Variants in LRMDA observed in about 807,000 individuals in gnomAD.
The protein encoded by LRMDA is leucine-rich melanocyte differentiation-associated protein.
In LRMDA, 18 loss-of-function variants were observed where a neutral mutation model predicts 29.8. The ratio of observed to expected loss-of-function variants is 0.60; its 90% CI spans 0.42 to 0.90. The LOEUF (loss-of-function observed/expected upper bound fraction) is 0.90. Among genes scored for constraint, LRMDA ranks in the 40% least tolerant of loss-of-function variants. The pLI is 0.00. For missense variants in LRMDA, 273 were observed against 273.9 expected (o/e 1.00, Z 0.02); for synonymous variants, 125 against 109.4 (o/e 1.14, Z -0.89).
intron 6 of LRMDA, among the ~76,000 whole-genome samples, chr10:76,376,017 A>G (rs1841512836): frequency 6.6e-6 from 1 of 152,032 alleles, no homozygotes; most frequent in South Asian, 2.1e-4. Context: ...TTTTTAATAG[A>G]CATGAGGGTA....
At chr10:75,640,744 G>T (rs544514594) in intron 2 of LRMDA, among the ~76,000 whole-genome samples, 1 of 152,278 alleles carries the variant, frequency 6.6e-6, no homozygotes, top group South Asian at 2.1e-4. Flanking sequence ...GTCCTCAGCT[G>T]ACTTTCTATG....
chr10:75,900,020 G>T (rs1304771680), intron 2 of LRMDA, among the ~76,000 whole-genome samples: 1 of 152,166 alleles, frequency 6.6e-6, no homozygotes, highest in Non-Finnish European at 1.5e-5. Flanking sequence ...GATTAGAGCT[G>T]GGGCTCTTCC....
At chr10:75,676,576 T>G (rs1841962848) in intron 2 of LRMDA, among the ~76,000 whole-genome samples, 1 of 152,126 alleles carries the variant, frequency 6.6e-6, no homozygotes, top group African/African-American at 2.4e-5. Flanking sequence ...TCTTTTGGGG[T>G]TGCCATGGAA....
Position 76,376,865 on chromosome 10 carries a change from C to CTTTTTTTTTTTTTTTTTTTTTTTTTT in LRMDA, c.601+52393_601+52418dup. 6.3e-4 allele frequency among the ~76,000 whole-genome samples: 30 copies of CTTTTTTTTTTTTTTTTTTTTTTTTTT among 47,374 alleles called. 15 individuals are homozygous for CTTTTTTTTTTTTTTTTTTTTTTTTTT. The highest frequency in any genetic ancestry group is 2.2e-3 in the Admixed American group (8 of 3,630). The allele number at this position is 47,374 out of a possible 152,430, so 31.1% of individuals were successfully genotyped here. On this transcript the variant is annotated intron_variant, in intron 6 of 6. Coordinates refer to ENST00000611255, the MANE Select transcript of LRMDA (RefSeq NM_001305581.2). The stretch of plus-strand genomic sequence containing the variant: ...AAATGTTTGTTGGGCACTTGGAAGT[C>CTTTTTTTTTTTTTTTTTTTTTTTTTT]TTTTTTTTTTTTTTTTTTTTTTTTT...
chr10:76,177,476 A>G (rs190500732), intron 5 of LRMDA, among the ~76,000 whole-genome samples: 69 of 152,330 alleles, frequency 4.5e-4, no homozygotes, highest in Non-Finnish European at 8.4e-4. Flanking sequence ...AGTTTCAGTA[A>G]TGATGACTGC....
intron 2 of LRMDA, among the ~76,000 whole-genome samples, chr10:75,850,333 A>T (rs1222302296): frequency 6.6e-6 from 1 of 152,192 alleles, no homozygotes; most frequent in African/African-American, 2.4e-5. Flanking sequence ...ATTGTAAATG[A>T]TGGAGTCTTT....
chr10:76,282,294 C>T (rs1183762231), intron 5 of LRMDA, among the ~76,000 whole-genome samples: 2 of 152,052 alleles, frequency 1.3e-5, no homozygotes, highest in African/African-American at 2.4e-5. Context: ...ATTAATTGGC[C>T]GTTTCTGTTG....
chr10:76,517,366 A>G (rs559903357), intron 6 of LRMDA, among the ~76,000 whole-genome samples: 20 of 152,288 alleles, frequency 1.3e-4, no homozygotes, highest in African/African-American at 4.8e-4. Context: ...AGTTACCTAT[A>G]AAGAAATGAC....
chr10:76,363,288 G>GAAGGA (rs1841351175), intron 6 of LRMDA, among the ~76,000 whole-genome samples: 1 of 142,756 alleles, frequency 7.0e-6, no homozygotes, highest in Non-Finnish European at 1.5e-5. Flanking sequence ...AGGAAGGAAG[G>GAAGGA]AAGGAAGGAA....
chr10:75,580,286 CAGAG>C (rs1212080659), intron 2 of LRMDA, among the ~76,000 whole-genome samples: 7 of 152,162 alleles, frequency 4.6e-5, no homozygotes, highest in Non-Finnish European at 7.3e-5. Context: ...AACAGACAAA[CAGAG>C]AGCCAAATCA....
chr10:76,078,054 A>ATTGCAGTGGTGTATT (rs1848989520), intron 5 of LRMDA, among the ~76,000 whole-genome samples: 3 of 111,624 alleles, frequency 2.7e-5, no homozygotes, highest in African/African-American at 7.1e-5. Flanking sequence ...TCTGTCGCCC[A>ATTGCAGTGGTGTATT]GGCTGTATTG....
intron 2 of LRMDA, among the ~76,000 whole-genome samples, chr10:76,032,615 G>A (rs1003974516): frequency 6.6e-6 from 1 of 152,184 alleles, no homozygotes; most frequent in African/African-American, 2.4e-5. Context: ...CCCTGGGAAC[G>A]AGGGAAGGAG....
chr10:76,457,860 A>G (rs1005640132), intron 6 of LRMDA, among the ~76,000 whole-genome samples: 1 of 152,152 alleles, frequency 6.6e-6, no homozygotes, highest in South Asian at 2.1e-4. Context: ...CAGAGACTTT[A>G]TAGGGTGTAG....
At chr10:76,418,785 T>C (rs1842044607) in intron 6 of LRMDA, among the ~76,000 whole-genome samples, 1 of 152,216 alleles carries the variant, frequency 6.6e-6, no homozygotes, top group South Asian at 2.1e-4. Context: ...TCTTTTCTTT[T>C]GTTATGAGTT....
intron 6 of LRMDA, among the ~76,000 whole-genome samples, chr10:76,388,963 T>C (rs1841691673): frequency 6.6e-6 from 1 of 152,032 alleles, no homozygotes; most frequent in African/African-American, 2.4e-5. Flanking sequence ...TCTTAATCAG[T>C]GGAGGTGATC....
intron 6 of LRMDA, among the ~76,000 whole-genome samples, chr10:76,476,270 A>G (rs1842670067): frequency 6.6e-6 from 1 of 152,152 alleles, no homozygotes; most frequent in African/African-American, 2.4e-5. Context: ...TACTATAAAC[A>G]CCTCTACGCA....
intron 5 of LRMDA, among the ~76,000 whole-genome samples, chr10:76,145,386 A>C (rs566736530): frequency 1.6e-4 from 24 of 152,164 alleles, no homozygotes; most frequent in South Asian, 1.2e-3. Context: ...TTGGTCTATT[A>C]AGAGATTCAA....
At chr10:76,154,992 T>C (rs1418210131) in intron 5 of LRMDA, among the ~76,000 whole-genome samples, 7 of 152,192 alleles carry the variant, frequency 4.6e-5, no homozygotes, top group Admixed American at 4.6e-4. Flanking sequence ...TCGGCTCTCA[T>C]TCCCTTTTGC....
chr10:75,433,624 C>G (rs932296109), intron 1 of LRMDA, among the ~76,000 whole-genome samples: 5 of 152,058 alleles, frequency 3.3e-5, no homozygotes, highest in Non-Finnish European at 5.9e-5. Flanking sequence ...AGAGGTAGCA[C>G]CTTGGATGTG....
Sources: gnomAD v4.1 joint callset for allele counts (sites outside exome capture counted in the v4.1 genomes callset) on GRCh38, gnomAD v4.1.1 for gene constraint, MANE v1.5 for transcripts, NCBI Gene and HGNC (gene_info 2026-07-23, HGNC 2026-07-21) for gene names.